The following SH3BP2 variants were observed in gnomAD, a reference collection of about 807,000 sequenced individuals.
SH3BP2 encodes the protein SH3 domain-binding protein 2.
Under a neutral mutation model 56.2 loss-of-function variants are expected in SH3BP2, and 38 were observed. The observed-to-expected ratio is 0.68, with a 90% CI of 0.52 to 0.89. The LOEUF is 0.89. SH3BP2 is among the 40% of genes least tolerant of loss of function. The probability of loss-of-function intolerance (pLI) is 0.00; values close to 1 mark genes in which losing one functional copy is unlikely to be tolerated. For synonymous variants in SH3BP2, 346 were observed against 316.7 expected, an observed-to-expected ratio of 1.09 and a Z score of -0.98; for missense variants, 748 against 762.6, an observed-to-expected ratio of 0.98 and a Z score of 0.23.
rs1462390238 is a variant in SH3BP2, at chr4:2,834,829, A to C, written c.*995A>C. On this transcript the variant is annotated 3_prime_UTR_variant, in exon 13 of 13. Transcript: ENST00000503393. ...CAGCTGGGTATGAGGTGCTTACGGC[A>C]CAGTGTCCAGGGCAGCTGGGTGTGC... 6.6e-6 allele frequency: 1 copy of C among 152,422 alleles called. No individual in the cohort carries two copies. Among genetic ancestry groups the C allele is most frequent in the East Asian group, 1.9e-4 (1 of 5,192 alleles). The allele number at this position is 152,422 out of a possible 1,614,324, so 9.4% of individuals were successfully genotyped here. A position where few individuals can be genotyped will look rare whatever the true frequency, so the allele number is the denominator to read the frequency against.
intron 1 of SH3BP2, chr4:2,818,651 C>T: frequency 1.1e-6 from 1 of 920,748 alleles, no homozygotes; most frequent in Non-Finnish European, 1.3e-6. Flanking sequence ...ATCCCCACTG[C>T]GGGGCTCCTT....
rs564699719 is a variant in SH3BP2, at chr4:2,818,971, G to A, written c.-4-1643G>A. ...ATTTTTTAATTTTAGCTCCAGCTCA[G>A]TTGCCCAGACTGGAGAGCAGTGGCC... On this transcript the variant is annotated intron_variant, in intron 1 of 12. Transcript: ENST00000503393. 9.9e-6 allele frequency: 9 copies of A among 909,132 alleles called. No homozygotes were observed. In the South Asian group the frequency reaches 4.1e-4, roughly 41 times the overall value. The allele number at this position is 909,132 out of a possible 1,614,324, so 56.3% of individuals were successfully genotyped here. A position where few individuals can be genotyped will look rare whatever the true frequency, so the allele number is the denominator to read the frequency against.
chr4:2,834,692 C>T lies in SH3BP2; in HGVS notation c.*858C>T, dbSNP rs952245410. ...ACAGAGCTAGAAGGCCCTGCAGCTA[C>T]AGCTGCTTCATTCCCTGCATTAGCG... On this transcript the variant is annotated 3_prime_UTR_variant, in exon 13 of 13. Transcript: ENST00000503393. 1.3e-5 allele frequency: 2 copies of T among 152,340 alleles called. No individual in the cohort carries two copies. The highest frequency in any genetic ancestry group is 2.9e-5 in the Non-Finnish European group (2 of 68,110). 9.4% of individuals were successfully genotyped at this position (152,340 alleles called of 1,614,324 possible).
At chr4:2,832,794 T>C (rs1725063157) in intron 11 of SH3BP2, among the ~76,000 whole-genome samples, 196 bp from the exon 12 acceptor site, 1 of 152,178 alleles carries the variant, frequency 6.6e-6, no homozygotes, top group Non-Finnish European at 1.5e-5. Flanking sequence ...GAGCTGTTGC[T>C]CATCAGAGGC....
intron 1 of SH3BP2, among the ~76,000 whole-genome samples, chr4:2,801,718 A>C (rs576318120): frequency 6.6e-6 from 1 of 152,362 alleles, no homozygotes; most frequent in South Asian, 2.1e-4. Flanking sequence ...CTAAGGAATA[A>C]AAAATGACAA....
At chr4:2,823,361 C>A (rs189962405) in intron 3 of SH3BP2, 3 of 488,966 alleles carry the variant, frequency 6.1e-6, no homozygotes, top group Middle Eastern at 5.4e-4. Context: ...TCCCTCCCCA[C>A]CTTGCCCCTT....
At chr4:2,806,841 C>T (rs929827558) in intron 1 of SH3BP2, among the ~76,000 whole-genome samples, 1 of 152,252 alleles carries the variant, frequency 6.6e-6, no homozygotes, top group African/African-American at 2.4e-5. Context: ...GTGGGGCATC[C>T]GGAGATGTGA....
At chr4:2,815,164 C>T (rs916428706) in intron 1 of SH3BP2, among the ~76,000 whole-genome samples, 6 of 152,132 alleles carry the variant, frequency 3.9e-5, no homozygotes, top group South Asian at 2.1e-4. Flanking sequence ...CAGCCTCAGC[C>T]GACCTTTCCC....
At chr4:2,827,940 G>T (rs1261299271) in intron 7 of SH3BP2, among the ~76,000 whole-genome samples, 1 of 152,190 alleles carries the variant, frequency 6.6e-6, no homozygotes, top group East Asian at 1.9e-4. Context: ...GTGGCCCTGG[G>T]GGTTAAGCAT....
rs1393167355 is a variant in SH3BP2, at chr4:2,822,930, C to G, written c.137-5C>G. 2.5e-6 allele frequency: 4 copies of G among 1,612,994 alleles called. No individual in the cohort carries two copies. The highest frequency in any genetic ancestry group is 3.4e-6 in the Non-Finnish European group (4 of 1,179,218). The stretch of plus-strand genomic sequence containing the variant: ...TCACCTTCCTGCCCTTGCCACCTCC[C>G]ACAGGGCCCCTGCGCTTTGTCATCA... On this transcript the variant is annotated splice_polypyrimidine_tract_variant and splice_region_variant and intron_variant, in intron 2 of 12. Transcript: ENST00000503393.
intron 1 of SH3BP2, among the ~76,000 whole-genome samples, chr4:2,797,686 C>T (rs1166812678): frequency 1.3e-5 from 2 of 152,160 alleles, no homozygotes; most frequent in Admixed American, 1.3e-4. Flanking sequence ...CATGTTGACC[C>T]ATCCATGGTG....
At chr4:2,801,122 G>T (rs1015318357) in intron 1 of SH3BP2, among the ~76,000 whole-genome samples, 1 of 152,182 alleles carries the variant, frequency 6.6e-6, no homozygotes, top group African/African-American at 2.4e-5. Context: ...GCGGAGGACC[G>T]GGGCCCAGAC....
chr4:2,839,240 C>G lies in SH3BP2; in HGVS notation c.*5406C>G, dbSNP rs1335003236. On this transcript the variant is annotated 3_prime_UTR_variant, in exon 13 of 13. Coordinates refer to ENST00000503393, the MANE Select transcript of SH3BP2 (RefSeq NM_001122681.2). ...TGGCTGGAGTGCAGTGGTGCAATCT[C>G]AGCTCACTGCAGCCTTGAGTCAGGC... 6.6e-6 allele frequency: 1 copy of G among 150,412 alleles called. No homozygotes were observed. The highest frequency in any genetic ancestry group is 2.0e-4 in the East Asian group (1 of 5,060). 9.3% of individuals were successfully genotyped at this position (150,412 alleles called of 1,614,324 possible).
chr4:2,816,333 G>A (rs1444615424), intron 1 of SH3BP2, among the ~76,000 whole-genome samples: 6 of 152,222 alleles, frequency 3.9e-5, no homozygotes, highest in African/African-American at 7.2e-5. Flanking sequence ...GAGCCACTGC[G>A]CATGGCTATT....
chr4:2,824,878 C>T, intron 4 of SH3BP2, 148 bp downstream of exon 4: 1 of 711,204 alleles, frequency 1.4e-6, no homozygotes, highest in Non-Finnish European at 2.5e-6. Flanking sequence ...ACACAGGCAG[C>T]TGGGTGGGTG....
At chr4:2,796,215 C>T (rs1166149200) in intron 1 of SH3BP2, among the ~76,000 whole-genome samples, 2 of 152,276 alleles carry the variant, frequency 1.3e-5, no homozygotes, top group South Asian at 2.1e-4. Context: ...GGTTCCGTGC[C>T]GGGCCCCTGA....
At chr4:2,802,611 T>G (rs1250725165) in intron 1 of SH3BP2, among the ~76,000 whole-genome samples, 2 of 148,186 alleles carry the variant, frequency 1.3e-5, no homozygotes, top group Admixed American at 1.4e-4. Flanking sequence ...TGTGTATATA[T>G]GTGTATATAT....
chr4:2,831,843 A>T lies in SH3BP2; in HGVS notation c.1351-80A>T, dbSNP rs1725004445. Reference sequence around the variant, plus strand: ...ACCATGTAAAGCCCCGGATCCCGGCACCGGGTGGCCACCGTCCGGGGAGTG... The same window carrying T: ...ACCATGTAAAGCCCCGGATCCCGGCTCCGGGTGGCCACCGTCCGGGGAGTG... On this transcript the variant is annotated intron_variant, in intron 9 of 12. Coordinates refer to ENST00000503393, the MANE Select transcript of SH3BP2 (RefSeq NM_001122681.2). This position sits in a 1 kb window ranked among gnomAD's most constrained non-coding sequence, Gnocchi z 4.1. 6.6e-7 allele frequency: 1 copy of T among 1,509,730 alleles called. No homozygotes were observed. Among genetic ancestry groups the T allele is most frequent in the African/African-American group, 1.4e-5 (1 of 72,948 alleles). The allele number at this position is 1,509,730 out of a possible 1,614,324, so 93.5% of individuals were successfully genotyped here. A position where few individuals can be genotyped will look rare whatever the true frequency, so the allele number is the denominator to read the frequency against.
chr4:2,825,806 CAG>C (rs1352340334), intron 5 of SH3BP2, among the ~76,000 whole-genome samples: 2 of 152,270 alleles, frequency 1.3e-5, no homozygotes, highest in African/African-American at 4.8e-5. Context: ...CTGGCTCACT[CAG>C]AGTGAGACCA....
Sources: allele counts gnomAD v4.1 joint callset (sites outside exome capture counted in the v4.1 genomes callset), GRCh38; gene constraint gnomAD v4.1.1; non-coding constraint Gnocchi (gnomAD v3.1); transcripts MANE v1.5; gene names NCBI Gene and HGNC (gene_info 2026-07-23, HGNC 2026-07-21).